The following SLC25A48 variants were observed in gnomAD, a reference collection of about 807,000 sequenced individuals.
SLC25A48 encodes CTC-321K16.1.
Under a neutral mutation model 32.2 loss-of-function variants are expected in SLC25A48, and 29 were observed. The observed-to-expected ratio is 0.90, with a 90% CI of 0.67 to 1.23. The LOEUF (loss-of-function observed/expected upper bound fraction) is 1.23, where lower values mean the gene tolerates loss of function less well. Ranked by LOEUF, SLC25A48 falls within the 50% of genes most tolerant of loss-of-function variation. SLC25A48 has a pLI of 0.00. For missense variants in SLC25A48, 399 were observed against 422.7 expected (o/e 0.94, Z 0.49); for synonymous variants, 164 against 172.3 (o/e 0.95, Z 0.38).
intron 4 of SLC25A48, among the ~76,000 whole-genome samples, chr5:135,861,306 TACAC>T (rs997670973): frequency 4.5e-5 from 6 of 132,710 alleles, no homozygotes; most frequent in African/African-American, 1.9e-4. Context: ...GTCCATCAAA[TACAC>T]ACGCACACAC....
intron 3 of SLC25A48, among the ~76,000 whole-genome samples, chr5:135,717,919 C>G (rs1754845819): frequency 1.3e-5 from 2 of 152,178 alleles, no homozygotes; most frequent in Non-Finnish European, 2.9e-5. Context: ...AACGGCGTCT[C>G]TCCTCTCTGC....
chr5:135,799,066 C>T (rs1030787029), intron 3 of SLC25A48, among the ~76,000 whole-genome samples: 3 of 151,586 alleles, frequency 2.0e-5, no homozygotes, highest in South Asian at 2.1e-4. Flanking sequence ...CTCCCAATAT[C>T]GCAAAGAATG....
intron 3 of SLC25A48, among the ~76,000 whole-genome samples, chr5:135,639,238 G>T (rs1320927599): frequency 1.3e-5 from 2 of 152,178 alleles, no homozygotes; most frequent in Non-Finnish European, 2.9e-5. Context: ...ATCATCAGAA[G>T]TTACTTTTGT....
chr5:135,877,711 T>A (rs1219987915), intron 6 of SLC25A48, among the ~76,000 whole-genome samples: 2 of 152,152 alleles, frequency 1.3e-5, no homozygotes, highest in Non-Finnish European at 2.9e-5. Context: ...CCACCTCTGT[T>A]ATCTGTCCTT....
intron 3 of SLC25A48, among the ~76,000 whole-genome samples, chr5:135,778,862 T>C (rs1756644299): frequency 6.7e-5 from 1 of 14,986 alleles, no homozygotes; most frequent in Admixed American, 6.2e-4. Context: ...CGCCGTGACA[T>C]TGTTCCTTAT....
chr5:135,798,583 G>A (rs891336500), intron 3 of SLC25A48, among the ~76,000 whole-genome samples: 2 of 151,394 alleles, frequency 1.3e-5, no homozygotes. Flanking sequence ...TTATCCAGGT[G>A]GACAGACGAA....
At chr5:135,611,405 C>T (rs926535474) in intron 1 of SLC25A48, among the ~76,000 whole-genome samples, 2 of 143,994 alleles carry the variant, frequency 1.4e-5, no homozygotes, top group Non-Finnish European at 3.0e-5. Flanking sequence ...GTCCCAGCTA[C>T]TCAGGAGGCT....
chr5:135,603,936 C>T (rs957484649), intron 1 of SLC25A48, among the ~76,000 whole-genome samples: 1 of 152,130 alleles, frequency 6.6e-6, no homozygotes, highest in African/African-American at 2.4e-5. Flanking sequence ...TTCCCCTGCC[C>T]CCTTCCCAGG....
intron 4 of SLC25A48, among the ~76,000 whole-genome samples, chr5:135,864,502 A>T (rs1761044048): frequency 6.6e-6 from 1 of 152,152 alleles, no homozygotes; most frequent in Admixed American, 6.5e-5. Flanking sequence ...GAGCATGAAA[A>T]GGGACCCAAA....
intron 4 of SLC25A48, among the ~76,000 whole-genome samples, chr5:135,867,322 T>G (rs77514744): frequency 0.037 from 5,635 of 152,252 alleles, 316 homozygotes; most frequent in African/African-American, 0.12. Context: ...GACAAAGGAC[T>G]TGCAAGTCCA....
At chr5:135,742,921 A>C (rs1055779322) in intron 3 of SLC25A48, among the ~76,000 whole-genome samples, 3 of 93,648 alleles carry the variant, frequency 3.2e-5, no homozygotes, top group Non-Finnish European at 2.1e-5. Context: ...CTAGGGGACA[A>C]AATCCCCCAG....
rs766202645 is a variant in SLC25A48, at chr5:135,879,970, G to A, written c.816G>A (p.Val272=). 6.6e-5 allele frequency: 102 copies of A among 1,536,268 alleles called. No homozygotes were observed. Among genetic ancestry groups the A allele is most frequent in the Non-Finnish European group, 8.7e-5 (100 of 1,146,942 alleles). ...AATAACCTGGCCCCTGTGCAAAGGT[G>A]TTTTTCAGAGGCATCACTGTGAACG... ...SQSYQKEGLK[V]FFRGITVNAV... The change falls in exon 7 of 8, where the codon GTG becomes GTA. Residue 272 remains valine, a splice_region_variant and synonymous_variant. Transcript: ENST00000681962.
chr5:135,619,648 G>C (rs1381746946), intron 1 of SLC25A48, among the ~76,000 whole-genome samples: 1 of 152,166 alleles, frequency 6.6e-6, no homozygotes, highest in Non-Finnish European at 1.5e-5. Flanking sequence ...TGCTTTCATA[G>C]GGGACAACTG....
At chr5:135,590,423 G>T (rs113282178) in intron 1 of SLC25A48, among the ~76,000 whole-genome samples, 48 of 152,354 alleles carry the variant, frequency 3.2e-4, no homozygotes, top group African/African-American at 1.1e-3. Flanking sequence ...TGAGAGCTCT[G>T]CATGGTCCCT....
At chr5:135,588,579 G>A (rs1411515890) in intron 1 of SLC25A48, among the ~76,000 whole-genome samples, 1 of 152,230 alleles carries the variant, frequency 6.6e-6, no homozygotes, top group Non-Finnish European at 1.5e-5. Flanking sequence ...TTCCAGATGG[G>A]GGGCTGTAAG....
chr5:135,864,360 T>C (rs944206453), intron 4 of SLC25A48, among the ~76,000 whole-genome samples: 1 of 152,192 alleles, frequency 6.6e-6, no homozygotes, highest in Non-Finnish European at 1.5e-5. Flanking sequence ...TCCAGGCAGG[T>C]TGACCTTGGG....
chr5:135,633,517 T>G (rs1752627373), intron 2 of SLC25A48, among the ~76,000 whole-genome samples: 1 of 151,948 alleles, frequency 6.6e-6, no homozygotes, highest in African/African-American at 2.4e-5. Flanking sequence ...GGCAGCCACC[T>G]GCAAGCCAGG....
At chr5:135,640,719 T>A (rs1752815436) in intron 3 of SLC25A48, among the ~76,000 whole-genome samples, 1 of 152,120 alleles carries the variant, frequency 6.6e-6, no homozygotes, top group Admixed American at 6.5e-5. Context: ...TAACTCACTA[T>A]GATTAAAAGA....
At chr5:135,800,529 C>T (rs1757294861) in intron 3 of SLC25A48, among the ~76,000 whole-genome samples, 1 of 151,436 alleles carries the variant, frequency 6.6e-6, no homozygotes, top group African/African-American at 2.4e-5. Context: ...GTGTACACCC[C>T]GCCTGTAGTA....
Sources: allele counts gnomAD v4.1 joint callset (sites outside exome capture counted in the v4.1 genomes callset), GRCh38; gene constraint gnomAD v4.1.1; transcripts MANE v1.5; gene names NCBI Gene and HGNC (gene_info 2026-07-23, HGNC 2026-07-21).